SBF2: variants seen among roughly 807,000 people sequenced by gnomAD.
SBF2 encodes the protein myotubularin-related protein 13.
A neutral mutation model predicts 225.2 loss-of-function variants in SBF2; 112 were observed. That is an observed-to-expected ratio of 0.50 (90% CI 0.43 to 0.58). The LOEUF (loss-of-function observed/expected upper bound fraction) is 0.58, where lower values mean the gene tolerates loss of function less well. Among genes scored for constraint, SBF2 ranks in the 20% least tolerant of loss-of-function variants. The pLI is 0.00. For missense variants in SBF2, 1,996 were observed against 2,206.2 expected (o/e 0.90, Z 1.91); for synonymous variants, 763 against 773.3 (o/e 0.99, Z 0.22).
intron 2 of SBF2, among the ~76,000 whole-genome samples, chr11:10,166,647 A>G (rs1453869378): frequency 6.6e-6 from 1 of 152,276 alleles, no homozygotes; most frequent in Admixed American, 6.5e-5. Context: ...TATCGAAAGT[A>G]ATAGAATTAT....
At chr11:10,074,705 A>C (rs1383655018) in intron 2 of SBF2, among the ~76,000 whole-genome samples, 1 of 152,192 alleles carries the variant, frequency 6.6e-6, no homozygotes, top group Non-Finnish European at 1.5e-5. Context: ...GAGAAAATTG[A>C]AAATGTGTAC....
At chr11:10,215,319 G>T (rs1436917999) in intron 1 of SBF2, among the ~76,000 whole-genome samples, 3 of 152,124 alleles carry the variant, frequency 2.0e-5, no homozygotes, top group African/African-American at 7.2e-5. Flanking sequence ...GTTTTTCACT[G>T]TCATCTTAAA....
In SBF2 at chr11:10,081,032, T is replaced by C. The variant is rs145990489; in HGVS notation, c.142-38051A>G. Among the ~76,000 whole-genome samples, 74 of 152,280 alleles carry C rather than the reference T, an allele frequency of 4.9e-4. 2 individuals carry two copies. The East Asian group carries it at 0.013, about 26-fold the overall frequency. On this transcript the variant is annotated intron_variant, in intron 2 of 39. Transcript: ENST00000256190. ...CTAGTGGGGGATGTCAGCACACCAC[T>C]GACAGCACTACGCAGAGTATCATGA...
intron 16 of SBF2, among the ~76,000 whole-genome samples, chr11:9,944,119 T>C (rs1274088789): frequency 6.6e-6 from 1 of 152,232 alleles, no homozygotes. Context: ...ATAAACAGGA[T>C]GATTCCAATC....
intron 2 of SBF2, among the ~76,000 whole-genome samples, chr11:10,103,707 T>C (rs1952418721): frequency 6.6e-6 from 1 of 152,178 alleles, no homozygotes; most frequent in African/African-American, 2.4e-5. Context: ...TGAAGGGAAA[T>C]AACTTTTAGG....
intron 1 of SBF2, 103 bp downstream of exon 1, chr11:10,293,912 G>A (rs1454245263): frequency 1.1e-6 from 1 of 882,764 alleles, no homozygotes; most frequent in African/African-American, 1.8e-5. Context: ...GACTCGGCCT[G>A]GCCCTCCCCG....
chr11:10,293,777 G>A (rs1381127368), intron 1 of SBF2, among the ~76,000 whole-genome samples: 1 of 152,140 alleles, frequency 6.6e-6, no homozygotes, highest in African/African-American at 2.4e-5. Flanking sequence ...CCGCCCAGCG[G>A]GTGCGCCCAG....
At chr11:9,949,862 T>C (rs1865759804) in intron 16 of SBF2, among the ~76,000 whole-genome samples, 1 of 152,126 alleles carries the variant, frequency 6.6e-6, no homozygotes, top group South Asian at 2.1e-4. Flanking sequence ...AATACACATG[T>C]AGTAAACAAT....
At chr11:10,108,515 CTTTTTTTT>C (rs34189666) in intron 2 of SBF2, among the ~76,000 whole-genome samples, 2 of 83,462 alleles carry the variant, frequency 2.4e-5, no homozygotes, top group African/African-American at 9.6e-5. Context: ...TAATAGTTAA[CTTTTTTTT>C]TTTTTTTTTT....
intron 16 of SBF2, among the ~76,000 whole-genome samples, chr11:9,939,779 A>G (rs1463134527): frequency 6.6e-6 from 1 of 152,152 alleles, no homozygotes; most frequent in Non-Finnish European, 1.5e-5. Flanking sequence ...CGTATATACA[A>G]GGATGTTTGT....
At chr11:9,987,142 T>C (rs562286170) in intron 13 of SBF2, among the ~76,000 whole-genome samples, 1 of 152,282 alleles carries the variant, frequency 6.6e-6, no homozygotes, top group African/African-American at 2.4e-5. Context: ...ATAAATGTGA[T>C]ACACCACATA....
intron 17 of SBF2, among the ~76,000 whole-genome samples, chr11:9,867,589 C>G (rs1858337794): frequency 6.6e-6 from 1 of 152,060 alleles, no homozygotes; most frequent in Admixed American, 6.6e-5. Context: ...TAGCGCTATT[C>G]ACAATGGCCA....
At position 10,042,812 on chromosome 11, in the gene SBF2, G is replaced by A. The variant is rs150709029; in HGVS notation, c.279+32C>T. On this transcript the variant is annotated intron_variant, in intron 3 of 39. Transcript: ENST00000256190. ...AAACATTCCTAAATGTTGTACCTTC[G>A]ACTGTACTTTAGCTAGTAAAGGTTT... The A allele has an allele frequency of 1.7e-5, 28 of 1,610,400 alleles. No individual in the cohort carries two copies. In the East Asian group the frequency reaches 2.9e-4, roughly 17 times the overall value.
chr11:9,883,869 G>A (rs1193624848), intron 17 of SBF2, among the ~76,000 whole-genome samples: 1 of 152,044 alleles, frequency 6.6e-6, no homozygotes, highest in African/African-American at 2.4e-5. Context: ...ATTTTTTGGA[G>A]GCTAGAATCT....
intron 2 of SBF2, among the ~76,000 whole-genome samples, chr11:10,175,688 C>T (rs1334301294): frequency 6.6e-6 from 1 of 150,924 alleles, no homozygotes. Context: ...GAACTCTCCA[C>T]CCCAAATCAA....
At chr11:10,112,863 G>A (rs1007938809) in intron 2 of SBF2, among the ~76,000 whole-genome samples, 1 of 152,024 alleles carries the variant, frequency 6.6e-6, no homozygotes, top group South Asian at 2.1e-4. Flanking sequence ...GGAAAGAAGT[G>A]CATTACATAT....
intron 6 of SBF2, among the ~76,000 whole-genome samples, chr11:10,027,939 T>G (rs1207639287): frequency 2.6e-5 from 4 of 152,202 alleles, no homozygotes; most frequent in Admixed American, 2.6e-4. Flanking sequence ...AGAAAATATG[T>G]CCACTTTCCT....
chr11:10,203,939 G>A (rs538954466), intron 1 of SBF2, among the ~76,000 whole-genome samples: 2 of 152,074 alleles, frequency 1.3e-5, no homozygotes, highest in Admixed American at 6.5e-5. Flanking sequence ...GGAATGGAGG[G>A]AATGGAGATA....
intron 1 of SBF2, among the ~76,000 whole-genome samples, chr11:10,236,194 G>C: frequency 6.6e-6 from 1 of 152,204 alleles, no homozygotes; most frequent in East Asian, 1.9e-4. Flanking sequence ...GCTCATGCCT[G>C]TAATCCCATC....
Sources: allele counts gnomAD v4.1 joint callset (sites outside exome capture counted in the v4.1 genomes callset), GRCh38; gene constraint gnomAD v4.1.1; transcripts MANE v1.5; gene names NCBI Gene and HGNC (gene_info 2026-07-23, HGNC 2026-07-21).